The following AGTR1 variants were observed in gnomAD, a reference collection of about 807,000 sequenced individuals.
AGTR1 encodes the protein type-1 angiotensin II receptor.
In AGTR1, 16 loss-of-function variants were observed where a neutral mutation model predicts 19.4. That is an observed-to-expected ratio of 0.82 (90% confidence interval 0.56 to 1.25). The LOEUF (loss-of-function observed/expected upper bound fraction) is 1.25, where lower values mean the gene tolerates loss of function less well. AGTR1 is among the 50% of genes most tolerant of loss of function. The pLI, the probability that AGTR1 is intolerant of heterozygous loss-of-function variation, is 0.00. For synonymous variants in AGTR1, 153 were observed against 154.9 expected, an observed-to-expected ratio of 0.99 and a Z score of 0.09; for missense variants, 373 against 431.9, an observed-to-expected ratio of 0.86 and a Z score of 1.21.
intron 2 of AGTR1, among the ~76,000 whole-genome samples, chr3:148,715,833 G>A (rs1291387311): frequency 6.6e-6 from 1 of 152,078 alleles, no homozygotes; most frequent in Non-Finnish European, 1.5e-5. Context: ...ATATACATGT[G>A]CTTTGTGCTA....
chr3:148,712,467 A>G (rs3772627), intron 2 of AGTR1, among the ~76,000 whole-genome samples: 65,929 of 151,902 alleles, frequency 0.43, 16,099 homozygotes, highest in African/African-American at 0.68. Flanking sequence ...CAGTATAGAC[A>G]CCAGAAAAAA....
intron 1 of AGTR1, among the ~76,000 whole-genome samples, chr3:148,699,064 T>C (rs1712162786): frequency 6.6e-6 from 1 of 152,006 alleles, no homozygotes; most frequent in African/African-American, 2.4e-5. Flanking sequence ...GCTGATAGCC[T>C]CGTTAAGTAT....
intron 2 of AGTR1, among the ~76,000 whole-genome samples, chr3:148,714,446 T>C (rs1384205699): frequency 6.6e-6 from 1 of 151,904 alleles, no homozygotes; most frequent in Non-Finnish European, 1.5e-5. Context: ...GAGGCAGCAA[T>C]GTGCTGGCAT....
At chr3:148,720,437 C>T (rs1713566701) in intron 2 of AGTR1, among the ~76,000 whole-genome samples, 1 of 152,098 alleles carries the variant, frequency 6.6e-6, no homozygotes, top group Non-Finnish European at 1.5e-5. Flanking sequence ...GAACTTATGT[C>T]GTGGGGTAGT....
intron 2 of AGTR1, among the ~76,000 whole-genome samples, chr3:148,728,178 A>G (rs542706682): frequency 1.5e-3 from 227 of 152,212 alleles, no homozygotes; most frequent in Non-Finnish European, 2.9e-3. Flanking sequence ...CATTACTTAC[A>G]GAATGTCAAA....
chr3:148,708,667 C>T (rs1299961595), intron 2 of AGTR1, among the ~76,000 whole-genome samples: 1 of 152,184 alleles, frequency 6.6e-6, no homozygotes, highest in East Asian at 1.9e-4. Context: ...TGGAGCTCAG[C>T]AGGGTTAGCC....
intron 1 of AGTR1, among the ~76,000 whole-genome samples, chr3:148,699,387 C>T (rs910858287): frequency 6.6e-6 from 1 of 152,142 alleles, no homozygotes; most frequent in Non-Finnish European, 1.5e-5. Context: ...GAAGAAACTG[C>T]CATACTTCCC....
chr3:148,721,531 G>A (rs772772557), intron 2 of AGTR1, among the ~76,000 whole-genome samples: 17 of 152,154 alleles, frequency 1.1e-4, no homozygotes, highest in Non-Finnish European at 2.2e-4. Context: ...CAAGAGAGTG[G>A]ACATCAGATA....
chr3:148,716,475 TTATAAC>T lies in AGTR1; in HGVS notation c.-48+8453_-48+8458del, dbSNP rs967032228. ...AACTAGTGCAAATACAGTTATTTATTTATAACTATACAGGAATTTATTTCCCAGTAC... is the reference window on the plus strand; with the variant it reads ...AACTAGTGCAAATACAGTTATTTATTTATACAGGAATTTATTTCCCAGTAC... On this transcript the variant is annotated intron_variant, in intron 2 of 2. Coordinates refer to ENST00000349243, the MANE Select transcript of AGTR1 (RefSeq NM_000685.5). The surrounding 1 kb of genome is among the most constrained non-coding windows in gnomAD (Gnocchi z 4.7). Among the ~76,000 whole-genome samples the T allele has an allele frequency of 5.4e-4, 82 of 152,318 alleles. 1 individual carries two copies. The highest frequency in any genetic ancestry group is 3.0e-3 in the Admixed American group (46 of 15,290).
intron 2 of AGTR1, among the ~76,000 whole-genome samples, chr3:148,738,466 A>G (rs1244019145): frequency 6.6e-6 from 1 of 152,070 alleles, no homozygotes; most frequent in Non-Finnish European, 1.5e-5. Context: ...GCTAGCCCTA[A>G]CCCTTTAATG....
intron 2 of AGTR1, among the ~76,000 whole-genome samples, chr3:148,713,031 AGAGT>A (rs1713088343): frequency 6.6e-6 from 1 of 152,196 alleles, no homozygotes; most frequent in African/African-American, 2.4e-5. Flanking sequence ...ACTCTCTGAA[AGAGT>A]GAGAAATACA....
chr3:148,737,505 C>T (rs995652347), intron 2 of AGTR1, among the ~76,000 whole-genome samples: 1 of 152,058 alleles, frequency 6.6e-6, no homozygotes, highest in Admixed American at 6.6e-5. Flanking sequence ...GATAATACTG[C>T]CTTTAAGGCT....
At chr3:148,735,858 G>C (rs1455333230) in intron 2 of AGTR1, among the ~76,000 whole-genome samples, 1 of 152,156 alleles carries the variant, frequency 6.6e-6, no homozygotes, top group East Asian at 1.9e-4. Context: ...TATTGAACAG[G>C]ATGGTTTATT....
Position 148,740,991 on chromosome 3 carries a change from G to T in AGTR1, c.-45G>T. On this transcript the variant is annotated splice_region_variant and 5_prime_UTR_variant, in exon 3 of 3. Transcript: ENST00000349243. Reference sequence around the variant, plus strand: ...CATTTTATTTTTATTTTCCCCAGGTGTATTTGATATAGTGTTTGCAACAAA... The same window carrying T: ...CATTTTATTTTTATTTTCCCCAGGTTTATTTGATATAGTGTTTGCAACAAA... 1.2e-6 allele frequency: 2 copies of T among 1,610,432 alleles called. No homozygotes were observed. The highest frequency in any genetic ancestry group is 1.7e-6 in the Non-Finnish European group (2 of 1,178,364).
At chr3:148,717,357 C>G (rs1005047659) in intron 2 of AGTR1, among the ~76,000 whole-genome samples, 9 of 152,088 alleles carry the variant, frequency 5.9e-5, no homozygotes, top group African/African-American at 1.7e-4. Context: ...AGAAACTGAG[C>G]CTAAATTTCC....
At chr3:148,739,583 C>A (rs993256340) in intron 2 of AGTR1, among the ~76,000 whole-genome samples, 2 of 152,258 alleles carry the variant, frequency 1.3e-5, no homozygotes, top group East Asian at 3.9e-4. Flanking sequence ...GGGAGAACAA[C>A]TTTACTTACT....
At position 148,742,363 on chromosome 3, in the gene AGTR1, C is replaced by T; in HGVS notation, c.*248C>T. 1.7e-6 allele frequency: 1 copy of T among 603,802 alleles called. No homozygotes were observed. Among genetic ancestry groups the T allele is most frequent in the Admixed American group, 2.6e-5 (1 of 38,650 alleles). 37.4% of individuals were successfully genotyped at this position (603,802 alleles called of 1,614,324 possible). A position where few individuals can be genotyped will look rare whatever the true frequency, so the allele number is the denominator to read the frequency against. On this transcript the variant is annotated 3_prime_UTR_variant, in exon 3 of 3. Transcript: ENST00000349243. Reference sequence around the variant, plus strand: ...GCTGCTCGAAGAACAATGTCAGAAACTCGATGAATGTGTTGATTTGAGAAA... The same window carrying T: ...GCTGCTCGAAGAACAATGTCAGAAATTCGATGAATGTGTTGATTTGAGAAA...
chr3:148,741,617 G>T lies in AGTR1; in HGVS notation c.582G>T (p.Gly194=), dbSNP rs373754918. The change falls in exon 3 of 3, where the codon GGG becomes GGT. Residue 194 remains glycine (G), a synonymous_variant. Transcript: ENST00000349243. ...CCCAAAATTCAACCCTCCCGATAGGGCTGGGCCTGACCAAAAATATACTGG... is the reference window on the plus strand; with the variant it reads ...CCCAAAATTCAACCCTCCCGATAGGTCTGGGCCTGACCAAAAATATACTGG... The part of the protein sequence containing the change: ...YESQNSTLPI[G]LGLTKNILGF... 6.2e-7 allele frequency: 1 copy of T among 1,614,064 alleles called. No individual in the cohort carries two copies. The highest frequency in any genetic ancestry group is 8.5e-7 in the Non-Finnish European group (1 of 1,179,992).
intron 2 of AGTR1, among the ~76,000 whole-genome samples, chr3:148,711,555 G>A (rs1311756191): frequency 6.6e-6 from 1 of 152,024 alleles, no homozygotes; most frequent in African/African-American, 2.4e-5. Flanking sequence ...ATTTGTGCCT[G>A]AGTTTTTTTT....
Sources: gnomAD v4.1 joint callset for allele counts (sites outside exome capture counted in the v4.1 genomes callset) on GRCh38, gnomAD v4.1.1 for gene constraint, Gnocchi (gnomAD v3.1) non-coding constraint, MANE v1.5 for transcripts, NCBI Gene and HGNC (gene_info 2026-07-23, HGNC 2026-07-21) for gene names.